CDH12: variants seen among roughly 807,000 people sequenced by gnomAD.
The protein encoded by CDH12 is cadherin-12.
Under a neutral mutation model 74.1 loss-of-function variants are expected in CDH12, and 41 were observed. That is an observed-to-expected ratio of 0.55 (90% confidence interval 0.43 to 0.72). The LOEUF (loss-of-function observed/expected upper bound fraction) is 0.72. Ranked by LOEUF, CDH12 falls within the 30% of genes least tolerant of loss-of-function variation. The pLI, the probability that CDH12 is intolerant of heterozygous loss-of-function variation, is 0.00. For synonymous variants in CDH12, 399 were observed against 355.0 expected, an observed-to-expected ratio of 1.12 and a Z score of -1.39; for missense variants, 945 against 977.2, an observed-to-expected ratio of 0.97 and a Z score of 0.44.
At chr5:22,396,787 T>C (rs1292936201) in intron 3 of CDH12, among the ~76,000 whole-genome samples, 1 of 152,134 alleles carries the variant, frequency 6.6e-6, no homozygotes, top group Admixed American at 6.6e-5. Context: ...TTTTCTAATC[T>C]ACTATCCTAC....
At chr5:21,870,791 G>T (rs1751579138) in intron 6 of CDH12, among the ~76,000 whole-genome samples, 1 of 152,118 alleles carries the variant, frequency 6.6e-6, no homozygotes, top group South Asian at 2.1e-4. Flanking sequence ...GGGTACAGGG[G>T]TATAATCACA....
Position 22,350,809 on chromosome 5 carries a change from T to G in CDH12, c.-333+54448A>C, listed in dbSNP as rs570660432. Among the ~76,000 whole-genome samples the G allele has an allele frequency of 2.6e-5, 4 of 152,294 alleles. 1 individual carries two copies. The South Asian group carries it at 8.3e-4, about 32-fold the overall frequency. On this transcript the variant is annotated intron_variant, in intron 3 of 14. Transcript: ENST00000382254. Reference sequence around the variant, plus strand: ...GTTTTGGATTAATGTTAAATCTAATTTATTATTATCGAATAAGCAACCTAA... The same window carrying G: ...GTTTTGGATTAATGTTAAATCTAATGTATTATTATCGAATAAGCAACCTAA...
chr5:22,576,579 C>A (rs982345700), intron 1 of CDH12, among the ~76,000 whole-genome samples: 1 of 152,118 alleles, frequency 6.6e-6, no homozygotes, highest in Admixed American at 6.5e-5. Flanking sequence ...TTCAACCCAG[C>A]CTTAACACTG....
chr5:22,629,019 C>A (rs1304151783), intron 1 of CDH12, among the ~76,000 whole-genome samples: 5 of 151,542 alleles, frequency 3.3e-5, no homozygotes, highest in Non-Finnish European at 7.4e-5. Context: ...GGAAAAGAAT[C>A]TGGAAGCATA....
chr5:22,549,903 C>T (rs1053559515), intron 1 of CDH12, among the ~76,000 whole-genome samples: 4 of 152,196 alleles, frequency 2.6e-5, no homozygotes, highest in African/African-American at 7.2e-5. Flanking sequence ...CTCGTGACAG[C>T]TCTAACTGTA....
chr5:21,759,265 T>C (rs759173405), intron 13 of CDH12, among the ~76,000 whole-genome samples: 1 of 152,126 alleles, frequency 6.6e-6, no homozygotes, highest in Non-Finnish European at 1.5e-5. Flanking sequence ...GGCTTTTTTT[T>C]TAATGATTAG....
chr5:22,735,737 C>T (rs1744675319), intron 1 of CDH12, among the ~76,000 whole-genome samples: 1 of 151,852 alleles, frequency 6.6e-6, no homozygotes, highest in Non-Finnish European at 1.5e-5. Flanking sequence ...GATTTTAACA[C>T]ATCCATGATT....
At chr5:21,983,041 C>G (rs1244427391) in intron 5 of CDH12, among the ~76,000 whole-genome samples, 2 of 151,932 alleles carry the variant, frequency 1.3e-5, no homozygotes, top group African/African-American at 4.8e-5. Context: ...CAATTGTCAA[C>G]CTGGAATTTA....
At chr5:22,542,751 C>G (rs1159549963) in intron 1 of CDH12, among the ~76,000 whole-genome samples, 1 of 152,066 alleles carries the variant, frequency 6.6e-6, no homozygotes, top group East Asian at 1.9e-4. Flanking sequence ...TCAACAGAAA[C>G]TAGGGCATTG....
chr5:22,005,591 C>A (rs1399170391), intron 5 of CDH12, among the ~76,000 whole-genome samples: 6 of 149,802 alleles, frequency 4.0e-5, no homozygotes, highest in Admixed American at 1.3e-4. Context: ...AAAAAAAAAA[C>A]CCACTGGCCA....
rs578140927 is a variant in CDH12, at chr5:21,882,612, G to A, written c.527-27822C>T. The A allele has an allele frequency of 1.8e-4, 295 of 1,603,604 alleles. No individual in the cohort carries two copies. The Admixed American group carries it at 4.8e-3, about 26-fold the overall frequency. On this transcript the variant is annotated intron_variant, in intron 6 of 14. Coordinates refer to ENST00000382254, the MANE Select transcript of CDH12 (RefSeq NM_004061.5). The stretch of plus-strand genomic sequence containing the variant: ...ATGCTTCGGTTACCCACAGTCTTTC[G>A]CCAGATGAGACCAGTGTCCAGGGTA...
chr5:21,765,541 CA>C (rs200367776), intron 11 of CDH12, among the ~76,000 whole-genome samples: 6,090 of 83,720 alleles, frequency 0.073, 121 homozygotes, highest in Middle Eastern at 0.13. Flanking sequence ...AGAACTATAA[CA>C]AAAAAAAAAA....
chr5:22,622,907 T>C (rs1738054573), intron 1 of CDH12, among the ~76,000 whole-genome samples: 1 of 152,184 alleles, frequency 6.6e-6, no homozygotes, highest in Non-Finnish European at 1.5e-5. Flanking sequence ...TGAACATCGA[T>C]GCAAAAATCC....
chr5:22,831,625 G>T (rs1387822659), intron 1 of CDH12, among the ~76,000 whole-genome samples: 1 of 152,028 alleles, frequency 6.6e-6, no homozygotes, highest in African/African-American at 2.4e-5. Flanking sequence ...AGCCGGGTAC[G>T]GTGGGTCACA....
chr5:22,127,256 G>A (rs1392842732), intron 4 of CDH12, among the ~76,000 whole-genome samples: 1 of 151,988 alleles, frequency 6.6e-6, no homozygotes, highest in African/African-American at 2.4e-5. Context: ...CACTTTGGGG[G>A]GCCGAGAGGT....
intron 7 of CDH12, among the ~76,000 whole-genome samples, chr5:21,851,570 T>A (rs747737771): frequency 9.3e-5 from 14 of 151,184 alleles, no homozygotes; most frequent in Non-Finnish European, 2.1e-4. Flanking sequence ...TAGCTACATT[T>A]TGAGTGTTTT....
At chr5:21,822,956 C>T (rs1440171409) in intron 8 of CDH12, among the ~76,000 whole-genome samples, 2 of 151,882 alleles carry the variant, frequency 1.3e-5, no homozygotes, top group African/African-American at 4.8e-5. Context: ...ATTTAAGGCT[C>T]GATATTAAAT....
At chr5:22,662,953 A>G (rs1195221311) in intron 1 of CDH12, among the ~76,000 whole-genome samples, 9 of 152,196 alleles carry the variant, frequency 5.9e-5, no homozygotes, top group Admixed American at 5.9e-4. Flanking sequence ...TCTGCTCTAA[A>G]TTTTACCAAT....
intron 13 of CDH12, among the ~76,000 whole-genome samples, chr5:21,759,158 G>T (rs17839330): frequency 0.041 from 6,289 of 151,760 alleles, 157 homozygotes; most frequent in African/African-American, 0.064. Context: ...AAAAAAAGTT[G>T]TATTCCATAT....
Sources: gnomAD v4.1 joint callset for allele counts (sites outside exome capture counted in the v4.1 genomes callset) on GRCh38, gnomAD v4.1.1 for gene constraint, MANE v1.5 for transcripts, NCBI Gene and HGNC (gene_info 2026-07-23, HGNC 2026-07-21) for gene names.